Variants in STK39 observed in about 807,000 individuals in gnomAD.
STK39 encodes the protein serine/threonine kinase 39.
In STK39, 20 loss-of-function variants were observed where a neutral mutation model predicts 77.8. The observed-to-expected ratio is 0.26, with a 90% CI of 0.18 to 0.37. STK39 has a LOEUF of 0.37. Among genes scored for constraint, STK39 ranks in the 10% least tolerant of loss-of-function variants. The pLI, the probability that STK39 is intolerant of heterozygous loss-of-function variation, is 1.00. For missense variants in STK39, 479 were observed against 656.5 expected, an observed-to-expected ratio of 0.73 and a Z score of 2.95; for synonymous variants, 246 against 234.1, an observed-to-expected ratio of 1.05 and a Z score of -0.47.
intron 14 of STK39, among the ~76,000 whole-genome samples, chr2:168,044,160 C>T (rs1357364529): frequency 6.6e-6 from 1 of 152,054 alleles, no homozygotes; most frequent in Non-Finnish European, 1.5e-5. Context: ...CAATAGCTGA[C>T]TTTTGAGAGA....
intron 10 of STK39, among the ~76,000 whole-genome samples, chr2:168,086,051 G>A (rs1183911317): frequency 6.6e-6 from 1 of 152,200 alleles, no homozygotes; most frequent in African/African-American, 2.4e-5. Context: ...CTGACCCACA[G>A]AAACTGGGAG....
intron 14 of STK39, among the ~76,000 whole-genome samples, chr2:168,026,813 A>G (rs1684709983): frequency 6.6e-6 from 1 of 152,214 alleles, no homozygotes; most frequent in Non-Finnish European, 1.5e-5. Flanking sequence ...ATATGACACA[A>G]TGTTACCATT....
intron 1 of STK39, among the ~76,000 whole-genome samples, chr2:168,212,342 G>A (rs1689911611): frequency 1.3e-5 from 2 of 152,094 alleles, no homozygotes; most frequent in South Asian, 2.1e-4. Context: ...AAAGAGCACC[G>A]ACTTCCTCCC....
chr2:168,171,867 C>T (rs1326994202), intron 2 of STK39, among the ~76,000 whole-genome samples: 1 of 104,312 alleles, frequency 9.6e-6, no homozygotes, highest in South Asian at 3.8e-4. Flanking sequence ...CCCCCTCCCC[C>T]CCACACACAA....
chr2:168,067,562 T>C (rs1448829), intron 12 of STK39, among the ~76,000 whole-genome samples: 54,400 of 151,702 alleles, frequency 0.36, 10,510 homozygotes, highest in Non-Finnish European at 0.43. Flanking sequence ...CTTTTTTTTT[T>C]CCTAAATAAC....
chr2:168,074,316 G>A (rs148192956), intron 12 of STK39, among the ~76,000 whole-genome samples: 31 of 152,336 alleles, frequency 2.0e-4, no homozygotes, highest in African/African-American at 6.7e-4. Context: ...AATATTTGGA[G>A]CTATTTAAAT....
At chr2:168,129,627 A>G (rs1326046060) in intron 9 of STK39, 21 bp from the exon 10 acceptor site, 1 of 1,614,052 alleles carries the variant, frequency 6.2e-7, no homozygotes, top group South Asian at 1.1e-5. Flanking sequence ...AATATTCCCA[A>G]CAGTTTAACA....
intron 8 of STK39, 143 bp downstream of exon 8, chr2:168,137,945 G>A: frequency 8.7e-7 from 1 of 1,153,232 alleles, no homozygotes; most frequent in Non-Finnish European, 1.2e-6. Context: ...TTCACTAACA[G>A]GTTGGAAATC....
At chr2:168,034,524 G>A (rs1684903942) in intron 14 of STK39, among the ~76,000 whole-genome samples, 1 of 152,172 alleles carries the variant, frequency 6.6e-6, no homozygotes. Flanking sequence ...CCAGTGGCTG[G>A]CCACCATTGC....
chr2:168,021,889 CCCAACTACCTGGTTG>C (rs746972869), intron 14 of STK39, among the ~76,000 whole-genome samples: 1 of 151,980 alleles, frequency 6.6e-6, no homozygotes, highest in Non-Finnish European at 1.5e-5. Context: ...ACTCCTGTCA[CCCAACTACCTGGTTG>C]CCCTTCCAGG....
intron 14 of STK39, among the ~76,000 whole-genome samples, chr2:168,039,876 C>A (rs1685058974): frequency 6.6e-6 from 1 of 152,128 alleles, no homozygotes. Context: ...CTATTATTCA[C>A]CACCCAGGAA....
chr2:168,162,951 C>T (rs1574516706), intron 4 of STK39, among the ~76,000 whole-genome samples: 1 of 151,316 alleles, frequency 6.6e-6, no homozygotes, highest in Non-Finnish European at 1.5e-5. Flanking sequence ...TGCTTGAACT[C>T]GGGAGGCAGA....
intron 5 of STK39, among the ~76,000 whole-genome samples, chr2:168,141,857 G>T (rs1687993403): frequency 6.6e-6 from 1 of 152,168 alleles, no homozygotes; most frequent in South Asian, 2.1e-4. Flanking sequence ...ATTAGCATTT[G>T]CTGTAGGCCT....
At chr2:168,102,643 T>G (rs4668015) in intron 10 of STK39, among the ~76,000 whole-genome samples, 37,632 of 152,052 alleles carry the variant, frequency 0.25, 5,364 homozygotes, top group Non-Finnish European at 0.31. Flanking sequence ...TAAAAATCTC[T>G]TCTCAGCCAG....
At chr2:168,220,554 GACTA>G (rs1690142064) in intron 1 of STK39, among the ~76,000 whole-genome samples, 1 of 152,154 alleles carries the variant, frequency 6.6e-6, no homozygotes, top group South Asian at 2.1e-4. Context: ...TGAAAGAGAT[GACTA>G]ACATGGATAC....
Position 168,039,577 on chromosome 2 carries a change from C to T in STK39, c.1377-22482G>A, listed in dbSNP as rs1214536315. ...ACTGCAGTCCGCAGTCCGACCTGGG[C>T]GACAGAGCGAGACTCCGTCTCCAAA... is the stretch of plus-strand genomic sequence containing the variant. On this transcript the variant is annotated intron_variant, in intron 14 of 17. Coordinates refer to ENST00000355999, the MANE Select transcript of STK39 (RefSeq NM_013233.3). Among the ~76,000 whole-genome samples, 13 of 135,982 alleles carry T rather than the reference C, an allele frequency of 9.6e-5. 5 individuals carry two copies. The highest frequency in any genetic ancestry group is 1.7e-4 in the Non-Finnish European group (11 of 64,184). 89.2% of individuals were successfully genotyped at this position (135,982 alleles called of 152,430 possible). A position where few individuals can be genotyped will look rare whatever the true frequency, so the allele number is the denominator to read the frequency against.
chr2:168,131,819 T>C (rs1687704255), intron 8 of STK39, among the ~76,000 whole-genome samples: 1 of 152,234 alleles, frequency 6.6e-6, no homozygotes, highest in African/African-American at 2.4e-5. Context: ...GTTATTTTAA[T>C]GTATACTCTT....
At chr2:168,004,865 T>C (rs1684086936) in intron 16 of STK39, among the ~76,000 whole-genome samples, 1 of 152,104 alleles carries the variant, frequency 6.6e-6, no homozygotes, top group African/African-American at 2.4e-5. Flanking sequence ...GCTGATGCTA[T>C]ATTTCTGGGC....
intron 10 of STK39, among the ~76,000 whole-genome samples, chr2:168,108,985 C>T (rs980567345): frequency 2.0e-5 from 3 of 152,176 alleles, no homozygotes; most frequent in Non-Finnish European, 4.4e-5. Flanking sequence ...TGTGTAGGTA[C>T]TGTTACCACC....
Sources: gnomAD v4.1 joint callset for allele counts (sites outside exome capture counted in the v4.1 genomes callset) on GRCh38, gnomAD v4.1.1 for gene constraint, MANE v1.5 for transcripts, NCBI Gene and HGNC (gene_info 2026-07-23, HGNC 2026-07-21) for gene names.